Variants in IQCH observed in about 807,000 individuals in gnomAD.
IQCH encodes the protein IQ domain-containing protein H.
In IQCH, 98 loss-of-function variants were observed where a neutral mutation model predicts 117.0. The observed-to-expected ratio is 0.84, with a 90% CI of 0.71 to 0.99. The LOEUF is 0.99. IQCH is among the 50% of genes least tolerant of loss of function. IQCH has a pLI of 0.00. For missense variants in IQCH, 1,102 were observed against 1,243.8 expected (o/e 0.89, Z 1.72); for synonymous variants, 412 against 448.2 (o/e 0.92, Z 1.02).
In IQCH at chr15:67,395,215, G is replaced by C; in HGVS notation, c.1633-76G>C. ...CTGCTATTAATAATGTATTTATTATGTGCAACATTATAAATTAGGTGTATG... is the reference window on the plus strand; with the variant it reads ...CTGCTATTAATAATGTATTTATTATCTGCAACATTATAAATTAGGTGTATG... On this transcript the variant is annotated intron_variant, in intron 12 of 20. Coordinates refer to ENST00000335894, the MANE Select transcript of IQCH (RefSeq NM_001031715.3). The surrounding 1 kb of genome is among the most constrained non-coding windows in gnomAD (Gnocchi z 4.0). The C allele has an allele frequency of 7.0e-7, 1 of 1,421,658 alleles. No homozygotes were observed. Among genetic ancestry groups the C allele is most frequent in the South Asian group, 1.3e-5 (1 of 76,730 alleles). 88.1% of individuals were successfully genotyped at this position (1,421,658 alleles called of 1,614,324 possible). A position where few individuals can be genotyped will look rare whatever the true frequency, so the allele number is the denominator to read the frequency against.
chr15:67,355,589 CAA>C (rs768207650), intron 6 of IQCH, among the ~76,000 whole-genome samples: 10 of 123,928 alleles, frequency 8.1e-5, no homozygotes, highest in African/African-American at 5.9e-5. Flanking sequence ...GTCTCCATCT[CAA>C]AAAAAAAAAA....
intron 8 of IQCH, chr15:67,371,337 C>A (rs1217090785): frequency 5.9e-6 from 3 of 510,720 alleles, no homozygotes; most frequent in Admixed American, 9.5e-5. Context: ...AGAAATTTAC[C>A]AATTATAAAT....
intron 4 of IQCH, among the ~76,000 whole-genome samples, chr15:67,324,492 C>G (rs1247436735): frequency 1.3e-5 from 2 of 151,656 alleles, no homozygotes; most frequent in Non-Finnish European, 2.9e-5. Flanking sequence ...TGCCTGTTAT[C>G]TCAGCTACTC....
At chr15:67,329,772 T>C (rs182313796) in intron 4 of IQCH, among the ~76,000 whole-genome samples, 1 of 152,048 alleles carries the variant, frequency 6.6e-6, no homozygotes, top group African/African-American at 2.4e-5. Flanking sequence ...CCTAGCCAAA[T>C]TCTGGCTTTA....
chr15:67,421,657 T>C (rs1437539910), intron 16 of IQCH, 80 bp downstream of exon 16: 1 of 1,385,694 alleles, frequency 7.2e-7, no homozygotes, highest in African/African-American at 1.4e-5. Context: ...CAACAGGGCA[T>C]ATGAGGGCTC....
At position 67,387,997 on chromosome 15, in the gene IQCH, C is replaced by T. The variant is rs1313805801; in HGVS notation, c.1457-834C>T. On this transcript the variant is annotated intron_variant, in intron 11 of 20. Coordinates refer to ENST00000335894, the MANE Select transcript of IQCH (RefSeq NM_001031715.3). This position sits in a 1 kb window ranked among gnomAD's most constrained non-coding sequence, Gnocchi z 4.8. ...ACAATGATTACTGTATTTCCCTCCA[C>T]ATTTAGCCAAGGGCTTTGCCCCTAC... Among the ~76,000 whole-genome samples, 1 of 152,188 alleles carries T rather than the reference C, an allele frequency of 6.6e-6. No homozygotes were observed. Among genetic ancestry groups the T allele is most frequent in the Non-Finnish European group, 1.5e-5 (1 of 68,046 alleles).
intron 8 of IQCH, chr15:67,371,601 A>C: frequency 1.1e-6 from 1 of 951,012 alleles, no homozygotes; most frequent in Non-Finnish European, 1.6e-6. Context: ...ATGGCAGAAG[A>C]ACTATAAAAT....
At chr15:67,492,723 C>A (rs1026149559) in intron 19 of IQCH, among the ~76,000 whole-genome samples, 1 of 152,076 alleles carries the variant, frequency 6.6e-6, no homozygotes, top group African/African-American at 2.4e-5. Flanking sequence ...TGGGATGAGA[C>A]AGGGGTAGTA....
chr15:67,288,004 G>A (rs1966626340), intron 4 of IQCH, among the ~76,000 whole-genome samples: 1 of 151,860 alleles, frequency 6.6e-6, no homozygotes, highest in Non-Finnish European at 1.5e-5. Context: ...TTGACCCACT[G>A]GTCATTCAGG....
intron 16 of IQCH, among the ~76,000 whole-genome samples, chr15:67,435,023 A>T (rs1365472092): frequency 7.0e-6 from 1 of 143,264 alleles, no homozygotes; most frequent in African/African-American, 2.6e-5. Flanking sequence ...TTTTAAGCTA[A>T]TTTTTGTATT....
intron 13 of IQCH, among the ~76,000 whole-genome samples, chr15:67,398,874 C>G: frequency 6.6e-6 from 1 of 152,098 alleles, no homozygotes; most frequent in East Asian, 1.9e-4. Flanking sequence ...TTGTTGCTTT[C>G]TGGGAAGTAT....
intron 4 of IQCH, among the ~76,000 whole-genome samples, chr15:67,321,180 C>T (rs1470379455): frequency 6.6e-6 from 1 of 152,118 alleles, no homozygotes; most frequent in African/African-American, 2.4e-5. Flanking sequence ...ATCATAATAG[C>T]TCTACTTTAT....
intron 4 of IQCH, among the ~76,000 whole-genome samples, chr15:67,290,642 T>C (rs950870937): frequency 6.6e-6 from 1 of 151,740 alleles, no homozygotes; most frequent in Non-Finnish European, 1.5e-5. Flanking sequence ...ACAGCACATA[T>C]CATACAAGGC....
intron 18 of IQCH, among the ~76,000 whole-genome samples, chr15:67,477,056 T>C (rs1214785484): frequency 2.9e-5 from 4 of 138,294 alleles, no homozygotes; most frequent in African/African-American, 1.1e-4. Context: ...TTTTTTTTTT[T>C]TTTTTTTTTT....
At chr15:67,280,194 A>G (rs1393051179) in intron 4 of IQCH, among the ~76,000 whole-genome samples, 1 of 152,194 alleles carries the variant, frequency 6.6e-6, no homozygotes, top group African/African-American at 2.4e-5. Flanking sequence ...GGCATGGTCA[A>G]TTTCTACAAC....
intron 4 of IQCH, among the ~76,000 whole-genome samples, chr15:67,327,868 T>C (rs1968481946): frequency 6.6e-6 from 1 of 152,232 alleles, no homozygotes; most frequent in Non-Finnish European, 1.5e-5. Context: ...CTGTCCTTCT[T>C]GCAATTTCCT....
At chr15:67,274,135 T>C (rs983839970) in intron 3 of IQCH, among the ~76,000 whole-genome samples, 8 of 152,338 alleles carry the variant, frequency 5.3e-5, no homozygotes, top group African/African-American at 1.9e-4. Flanking sequence ...TTAGTATATG[T>C]TGGGATGGTC....
chr15:67,375,857 G>A (rs1970719167), intron 10 of IQCH, among the ~76,000 whole-genome samples: 1 of 148,472 alleles, frequency 6.7e-6, no homozygotes, highest in African/African-American at 2.5e-5. Flanking sequence ...TGCGATCTCG[G>A]CTCAGTGCAT....
In IQCH at chr15:67,403,042, G is replaced by C. The variant is rs934847112; in HGVS notation, c.2097+2737G>C. Among the ~76,000 whole-genome samples, 12 of 152,184 alleles carry C rather than the reference G, an allele frequency of 7.9e-5. No individual in the cohort carries two copies. Among genetic ancestry groups the C allele is most frequent in the Non-Finnish European group, 1.5e-4 (10 of 68,036 alleles). Reference sequence around the variant, plus strand: ...GCGGGTGAATCACCTGAGGTCAGGAGTTCCAGGCCAGCCTGGCCAACATAG... The same window carrying C: ...GCGGGTGAATCACCTGAGGTCAGGACTTCCAGGCCAGCCTGGCCAACATAG... On this transcript the variant is annotated intron_variant, in intron 14 of 20. Transcript: ENST00000335894. The surrounding 1 kb of genome is among the most constrained non-coding windows in gnomAD (Gnocchi z 4.8).
Sources: gnomAD v4.1 joint callset for allele counts (sites outside exome capture counted in the v4.1 genomes callset) on GRCh38, gnomAD v4.1.1 for gene constraint, Gnocchi (gnomAD v3.1) non-coding constraint, MANE v1.5 for transcripts, NCBI Gene and HGNC (gene_info 2026-07-23, HGNC 2026-07-21) for gene names.